The following ZDHHC13 variants were observed in gnomAD, a reference collection of about 807,000 sequenced individuals.
The protein encoded by ZDHHC13 is zDHHC palmitoyltransferase 13.
ZDHHC13 carries 85 observed loss-of-function variants against 86.0 expected under a neutral mutation model. The observed-to-expected ratio is 0.99, with a 90% CI of 0.83 to 1.18. The LOEUF (loss-of-function observed/expected upper bound fraction) is 1.18, where lower values mean the gene tolerates loss of function less well. Among genes scored for constraint, ZDHHC13 ranks in the 50% most tolerant of loss-of-function variants. The probability of loss-of-function intolerance (pLI) is 0.00; values close to 1 mark genes in which losing one functional copy is unlikely to be tolerated. For synonymous variants in ZDHHC13, 263 were observed against 246.4 expected (o/e 1.07, Z -0.63); for missense variants, 711 against 730.2 (o/e 0.97, Z 0.30).
chr11:19,147,424 T>C (rs1291672267), intron 3 of ZDHHC13, among the ~76,000 whole-genome samples, 172 bp from the exon 4 acceptor site: 1 of 152,200 alleles, frequency 6.6e-6, no homozygotes, highest in African/African-American at 2.4e-5. Context: ...GGGATTTGTC[T>C]GATTCTGCCA....
intron 14 of ZDHHC13, 43 bp downstream of exon 14, chr11:19,166,428 C>G (rs751752185): frequency 1.4e-6 from 2 of 1,476,640 alleles, no homozygotes; most frequent in Non-Finnish European, 1.9e-6. Context: ...ACATCTACAC[C>G]CATTTCTACT....
chr11:19,176,071 G>A lies in ZDHHC13; in HGVS notation c.*111G>A, dbSNP rs190381682. 667 of 1,286,778 alleles carry A rather than the reference G, an allele frequency of 5.2e-4. 1 individual carries two copies. The highest frequency in any genetic ancestry group is 6.3e-4 in the Non-Finnish European group (617 of 979,346). 79.7% of individuals were successfully genotyped at this position (1,286,778 alleles called of 1,614,324 possible). On this transcript the variant is annotated 3_prime_UTR_variant, in exon 17 of 17. Transcript: ENST00000446113. The stretch of plus-strand genomic sequence containing the variant: ...TTCACCTAAGTCCAAAGGAAAACAC[G>A]TGGTTTTTAAAGCCATTAGGTAAAA...
rs758113709 is a variant in ZDHHC13, at chr11:19,164,379, T to C, written c.1296+16T>C. On this transcript the variant is annotated intron_variant, in intron 12 of 16. Coordinates refer to ENST00000446113, the MANE Select transcript of ZDHHC13 (RefSeq NM_019028.3). The stretch of plus-strand genomic sequence containing the variant: ...ATCATGTCTTGTGAGTTTTTTCATA[T>C]AATTTTTTTCCGTAGTGAAAGCAAA... 6 of 1,610,830 alleles carry C rather than the reference T, an allele frequency of 3.7e-6. No homozygotes were observed. The highest frequency in any genetic ancestry group is 5.1e-6 in the Non-Finnish European group (6 of 1,178,256).
intron 16 of ZDHHC13, 65 bp from the exon 17 acceptor site, chr11:19,175,757 T>A: frequency 6.4e-7 from 1 of 1,574,254 alleles, no homozygotes; most frequent in South Asian, 1.2e-5. Flanking sequence ...AGATTCTCCA[T>A]AAATGTTTGT....
chr11:19,157,403 A>G (rs1180888404), intron 9 of ZDHHC13, among the ~76,000 whole-genome samples: 1 of 152,208 alleles, frequency 6.6e-6, no homozygotes, highest in Non-Finnish European at 1.5e-5. Flanking sequence ...TCTCTGGCAT[A>G]AGCATGCCCT....
At chr11:19,145,754 A>G (rs1849446743) in intron 2 of ZDHHC13, among the ~76,000 whole-genome samples, 1 of 152,052 alleles carries the variant, frequency 6.6e-6, no homozygotes, top group African/African-American at 2.4e-5. Flanking sequence ...TATTCTTTCC[A>G]TATTTCGTTG....
chr11:19,172,275 G>A (rs536415839), intron 15 of ZDHHC13, among the ~76,000 whole-genome samples: 6 of 152,082 alleles, frequency 3.9e-5, no homozygotes, highest in East Asian at 1.9e-4. Flanking sequence ...GTTTCACCAC[G>A]TTGGCCAGGC....
Position 19,165,898 on chromosome 11 carries a change from GTTAAC to G in ZDHHC13, c.1391-401_1391-397del, listed in dbSNP as rs1850052234. Among the ~76,000 whole-genome samples, 8 of 152,272 alleles carry G rather than the reference GTTAAC, an allele frequency of 5.3e-5. No homozygotes were observed. In the South Asian group the frequency reaches 1.7e-3, roughly 32 times the overall value. ...GCCTAGCTAGAAAAGTGTTTGCTTA[GTTAAC>G]TTTATTCTATTCCAGAAGTTGCACT... On this transcript the variant is annotated intron_variant, in intron 13 of 16. Coordinates refer to ENST00000446113, the MANE Select transcript of ZDHHC13 (RefSeq NM_019028.3).
chr11:19,152,270 G>A lies in ZDHHC13; in HGVS notation c.697G>A (p.Val233Ile), dbSNP rs1054064036. ...WAVAAGNVNA[V>I]DKLLEAGSSL... The stretch of plus-strand genomic sequence containing the variant: ...AGTTGCAGCAGGAAATGTTAATGCA[G>A]TTGATAAGCTTTTGGAAGCTGGTTC... Residue 233 changes from valine to isoleucine, a missense_variant, in exon 7 of 17, where the codon GTT becomes ATT. Physicochemically the swap from Val to Ile is conservative, Grantham distance 29. Coordinates refer to ENST00000446113, the MANE Select transcript of ZDHHC13 (RefSeq NM_019028.3). The A allele has an allele frequency of 1.9e-6, 3 of 1,613,262 alleles. No individual in the cohort carries two copies. Among genetic ancestry groups the A allele is most frequent in the Non-Finnish European group, 2.5e-6 (3 of 1,179,514 alleles).
At chr11:19,159,734 C>G (rs139301951) in intron 10 of ZDHHC13, among the ~76,000 whole-genome samples, 134 of 152,046 alleles carry the variant, frequency 8.8e-4, no homozygotes, top group African/African-American at 2.9e-3. Flanking sequence ...GATCAGGGCC[C>G]AGGACCAAGT....
intron 16 of ZDHHC13, among the ~76,000 whole-genome samples, chr11:19,174,360 T>C (rs1850302954): frequency 6.6e-6 from 1 of 152,234 alleles, no homozygotes; most frequent in South Asian, 2.1e-4. Context: ...AAGGGGACAC[T>C]ACTCTAACTA....
At position 19,127,061 on chromosome 11, in the gene ZDHHC13, T is replaced by A. The variant is rs7941481; in HGVS notation, c.27+9785T>A. 6.8e-3 allele frequency among the ~76,000 whole-genome samples: 1,042 copies of A among 152,284 alleles called. 8 individuals carry two copies. Among genetic ancestry groups the A allele is most frequent in the African/African-American group, 0.024 (984 of 41,576 alleles). On this transcript the variant is annotated intron_variant, in intron 1 of 16. Coordinates refer to ENST00000446113, the MANE Select transcript of ZDHHC13 (RefSeq NM_019028.3). ...ACTGCTTTCCACAATGAACTAATTT[T>A]CACTCCCATCAACAGTGTATAAGCA... is the stretch of plus-strand genomic sequence containing the variant.
rs556130771 is a variant in ZDHHC13 at position 19,137,667 on chromosome 11, G to C, written c.28-5311G>C. Among the ~76,000 whole-genome samples the C allele has an allele frequency of 6.8e-3, 1,040 of 152,270 alleles. 9 individuals carry two copies. Among genetic ancestry groups the C allele is most frequent in the African/African-American group, 0.024 (982 of 41,542 alleles). On this transcript the variant is annotated intron_variant, in intron 1 of 16. Coordinates refer to ENST00000446113, the MANE Select transcript of ZDHHC13 (RefSeq NM_019028.3). ...TCCAAAATTGACCACATACTTGGAAGTAAAGCTCTCCTCAGCAAAAGAACA... is the reference window on the plus strand; with the variant it reads ...TCCAAAATTGACCACATACTTGGAACTAAAGCTCTCCTCAGCAAAAGAACA...
chr11:19,156,460 C>T (rs1345382067), intron 9 of ZDHHC13, among the ~76,000 whole-genome samples: 2 of 152,130 alleles, frequency 1.3e-5, no homozygotes, highest in African/African-American at 4.8e-5. Context: ...GAATTCAAGT[C>T]AAGCTTTACC....
Position 19,143,016 on chromosome 11 carries a change from T to C in ZDHHC13, c.66T>C (p.Phe22=), listed in dbSNP as rs1227752504. 2 of 1,611,980 alleles carry C rather than the reference T, an allele frequency of 1.2e-6. No individual in the cohort carries two copies. Among genetic ancestry groups the C allele is most frequent in the Non-Finnish European group, 1.7e-6 (2 of 1,178,950 alleles). Residue 22 remains phenylalanine (F), a synonymous_variant, in exon 2 of 17, where the codon TTT becomes TTC. Coordinates refer to ENST00000446113, the MANE Select transcript of ZDHHC13 (RefSeq NM_019028.3). ...NHSHGPHPPG[F]GRYGICAHEN... ...GCCATGGCCCCCACCCTCCAGGATT[T>C]GGTCGATATGGCATCTGTGCACATG...
chr11:19,172,816 T>C lies in ZDHHC13; in HGVS notation c.1726T>C (p.Tyr576His). 1.3e-6 allele frequency: 2 copies of C among 1,598,378 alleles called. No individual in the cohort carries two copies. The highest frequency in any genetic ancestry group is 1.7e-6 in the Non-Finnish European group (2 of 1,172,594). The change falls in exon 16 of 17, where the codon TAC becomes CAC. Residue 576 changes from tyrosine (Y) to histidine (H), a missense_variant. Coordinates refer to ENST00000446113, the MANE Select transcript of ZDHHC13 (RefSeq NM_019028.3). Reference protein sequence around the residue: ...KQTLSLRKTPYNLGFMQNLAD... With the variant: ...KQTLSLRKTPHNLGFMQNLAD... ...GACGTTGTCCCTCAGGAAGACACCA[T>C]ACAAGTAAGCGAGACCTGTTTTGGA...
chr11:19,172,934 T>C (rs887298507), intron 16 of ZDHHC13, 114 bp downstream of exon 16: 1 of 877,728 alleles, frequency 1.1e-6, no homozygotes. Context: ...TGCCATCTAG[T>C]ACAGTTGACC....
At chr11:19,129,711 A>C (rs1848948038) in intron 1 of ZDHHC13, among the ~76,000 whole-genome samples, 1 of 151,958 alleles carries the variant, frequency 6.6e-6, no homozygotes, top group African/African-American at 2.4e-5. Context: ...GGATTTTTGT[A>C]TCTGTGTTCA....
At chr11:19,128,399 G>A (rs1026539490) in intron 1 of ZDHHC13, among the ~76,000 whole-genome samples, 6 of 152,156 alleles carry the variant, frequency 3.9e-5, no homozygotes, top group African/African-American at 9.7e-5. Flanking sequence ...TGCAAACAGC[G>A]ATAGTTTGAC....
Sources: allele counts gnomAD v4.1 joint callset (sites outside exome capture counted in the v4.1 genomes callset), GRCh38; gene constraint gnomAD v4.1.1; transcripts MANE v1.5; gene names NCBI Gene and HGNC (gene_info 2026-07-23, HGNC 2026-07-21).